The following IQCH variants were observed in gnomAD, a reference collection of about 807,000 sequenced individuals.
IQCH encodes the protein IQ domain-containing protein H.
A neutral mutation model predicts 117.0 loss-of-function variants in IQCH; 98 were observed. The ratio of observed to expected loss-of-function variants is 0.84; its 90% confidence interval spans 0.71 to 0.99. IQCH has a LOEUF of 0.99. Among genes scored for constraint, IQCH ranks in the 50% least tolerant of loss-of-function variants. The pLI, the probability that IQCH is intolerant of heterozygous loss-of-function variation, is 0.00. For synonymous variants in IQCH, 412 were observed against 448.2 expected (o/e 0.92, Z 1.02); for missense variants, 1,102 against 1,243.8 (o/e 0.89, Z 1.72).
At chr15:67,304,619 G>T (rs1329872205) in intron 4 of IQCH, among the ~76,000 whole-genome samples, 2 of 152,034 alleles carry the variant, frequency 1.3e-5, no homozygotes, top group African/African-American at 4.8e-5. Context: ...AATTAGCAAT[G>T]ATTAAGAAAA....
chr15:67,256,596 G>A (rs964777692), intron 1 of IQCH, among the ~76,000 whole-genome samples: 4 of 152,162 alleles, frequency 2.6e-5, no homozygotes, highest in Non-Finnish European at 4.4e-5. Flanking sequence ...AGCGAAGACT[G>A]GACCCCTCTT....
Position 67,436,175 on chromosome 15 carries a change from T to C in IQCH, c.2505+14598T>C, listed in dbSNP as rs1222575974. Among the ~76,000 whole-genome samples the C allele has an allele frequency of 6.6e-6, 1 of 152,046 alleles. No individual in the cohort carries two copies. Among genetic ancestry groups the C allele is most frequent in the South Asian group, 2.1e-4 (1 of 4,820 alleles). ...ATGGCTCCATATTCAATAAATGTAT[T>C]ATCGAGACCCACTGAAGGAAGCCGA... On this transcript the variant is annotated intron_variant, in intron 16 of 20. Coordinates refer to ENST00000335894, the MANE Select transcript of IQCH (RefSeq NM_001031715.3). The surrounding 1 kb of genome is among the most constrained non-coding windows in gnomAD (Gnocchi z 5.1).
In IQCH at chr15:67,384,882, T is replaced by C. The variant is rs1971057866; in HGVS notation, c.1373-54T>C. ...GACATTTTGAAATTCTCTTGTGCCATTTTGCTATATCGACTTGCTCTTTCT... is the reference window on the plus strand; with the variant it reads ...GACATTTTGAAATTCTCTTGTGCCACTTTGCTATATCGACTTGCTCTTTCT... On this transcript the variant is annotated intron_variant, in intron 10 of 20. Transcript: ENST00000335894. This position sits in a 1 kb window ranked among gnomAD's most constrained non-coding sequence, Gnocchi z 4.3. 9.0e-7 allele frequency: 1 copy of C among 1,116,414 alleles called. No individual in the cohort carries two copies. Among genetic ancestry groups the C allele is most frequent in the Non-Finnish European group, 1.4e-6 (1 of 730,302 alleles). 69.2% of individuals were successfully genotyped at this position (1,116,414 alleles called of 1,614,324 possible).
Position 67,255,114 on chromosome 15 carries a change from C to T in IQCH, c.51+167C>T, listed in dbSNP as rs1439751155. 1.3e-5 allele frequency: 9 copies of T among 670,042 alleles called. No individual in the cohort carries two copies. In the East Asian group the frequency reaches 2.2e-4, roughly 16 times the overall value. 41.5% of individuals were successfully genotyped at this position (670,042 alleles called of 1,614,324 possible). On this transcript the variant is annotated intron_variant, in intron 1 of 20. Transcript: ENST00000335894. Reference sequence around the variant, plus strand: ...GCCCACCCAGACCTTCCCCCACGGCCCAGCACACTCCCGGTGACTTACCCT... The same window carrying T: ...GCCCACCCAGACCTTCCCCCACGGCTCAGCACACTCCCGGTGACTTACCCT...
intron 14 of IQCH, among the ~76,000 whole-genome samples, chr15:67,412,689 G>A (rs994168260): frequency 3.3e-5 from 5 of 152,054 alleles, no homozygotes; most frequent in African/African-American, 7.2e-5. Flanking sequence ...ATGAGCCACC[G>A]CGCCCGGCCT....
intron 5 of IQCH, among the ~76,000 whole-genome samples, chr15:67,340,454 A>AC (rs1402784381): frequency 1.4e-5 from 2 of 146,832 alleles, no homozygotes; most frequent in Non-Finnish European, 3.0e-5. Context: ...AAAAAAAAAA[A>AC]AAAAAAAAAA....
chr15:67,273,826 T>A (rs1966007244), intron 3 of IQCH, among the ~76,000 whole-genome samples: 1 of 152,188 alleles, frequency 6.6e-6, no homozygotes, highest in Non-Finnish European at 1.5e-5. Flanking sequence ...ACTGAATAAC[T>A]CCCATTAGCA....
Position 67,493,142 on chromosome 15 carries a change from C to T in IQCH, c.2862-1116C>T, listed in dbSNP as rs2083705888. 6.6e-6 allele frequency among the ~76,000 whole-genome samples: 1 copy of T among 152,184 alleles called. No homozygotes were observed. ...ATGGACCTCTCGAAAGCCTTTAGTC[C>T]TTTTCTACTGTTTTCTGCCCATCTT... On this transcript the variant is annotated intron_variant, in intron 19 of 20. Coordinates refer to ENST00000335894, the MANE Select transcript of IQCH (RefSeq NM_001031715.3). The surrounding 1 kb of genome is among the most constrained non-coding windows in gnomAD (Gnocchi z 5.1).
intron 3 of IQCH, among the ~76,000 whole-genome samples, chr15:67,269,723 G>A (rs1229103234): frequency 7.3e-6 from 1 of 136,564 alleles, no homozygotes; most frequent in African/African-American, 2.8e-5. Context: ...GCTCCCACAT[G>A]TGAGAACGTG....
chr15:67,417,017 G>A lies in IQCH; in HGVS notation c.2184G>A (p.Thr728=), dbSNP rs759039728. ...CAGTCAATGAGAAACGGTTCCCGAC[G>A]TGGAGGAAATTCCTCCAAACATTTC... ...AQPVNEKRFP[T]WRKFLQTFLS... The change falls in exon 15 of 21, where the codon ACG becomes ACA. Residue 728 remains threonine, a synonymous_variant. Coordinates refer to ENST00000335894, the MANE Select transcript of IQCH (RefSeq NM_001031715.3). The surrounding 1 kb of genome is among the most constrained non-coding windows in gnomAD (Gnocchi z 4.3). 1.4e-5 allele frequency: 23 copies of A among 1,609,770 alleles called. No homozygotes were observed. Among genetic ancestry groups the A allele is most frequent in the African/African-American group, 8.0e-5 (6 of 74,688 alleles).
chr15:67,442,660 C>T (rs1276276986), intron 16 of IQCH, among the ~76,000 whole-genome samples: 1 of 152,082 alleles, frequency 6.6e-6, no homozygotes, highest in Non-Finnish European at 1.5e-5. Context: ...ACCATTTGAT[C>T]CAGCAGTCCC....
chr15:67,481,904 A>G lies in IQCH; in HGVS notation c.2799+6086A>G, dbSNP rs1200141126. Among the ~76,000 whole-genome samples, 1 of 152,170 alleles carries G rather than the reference A, an allele frequency of 6.6e-6. No individual in the cohort carries two copies. The highest frequency in any genetic ancestry group is 1.5e-5 in the Non-Finnish European group (1 of 68,016). ...TAAAACAACCCTTGGGCCCTCAACT[A>G]TCTACAGGCAGGAAGTGGGTGAGAA... On this transcript the variant is annotated intron_variant, in intron 18 of 20. Transcript: ENST00000335894. This position sits in a 1 kb window ranked among gnomAD's most constrained non-coding sequence, Gnocchi z 4.1.
intron 4 of IQCH, among the ~76,000 whole-genome samples, chr15:67,308,888 A>T (rs949605498): frequency 6.6e-6 from 1 of 151,370 alleles, no homozygotes; most frequent in African/African-American, 2.4e-5. Context: ...TAACATTCAT[A>T]AAAAAAAATC....
At chr15:67,353,504 T>TA (rs1969759188) in intron 6 of IQCH, among the ~76,000 whole-genome samples, 1 of 151,784 alleles carries the variant, frequency 6.6e-6, no homozygotes, top group Non-Finnish European at 1.5e-5. Context: ...GGACTACAGG[T>TA]GCGCGCCACC....
chr15:67,372,720 AGCG>A, intron 9 of IQCH, 58 bp downstream of exon 9: 1 of 1,440,358 alleles, frequency 6.9e-7, no homozygotes, highest in Non-Finnish European at 9.4e-7. Flanking sequence ...TTCGTGCTTG[AGCG>A]GTTGTAATAA....
chr15:67,439,405 G>A (rs75494578), intron 16 of IQCH, among the ~76,000 whole-genome samples: 2,209 of 152,138 alleles, frequency 0.015, 56 homozygotes, highest in African/African-American at 0.051. Context: ...TACAGCAAAG[G>A]CAGTGCTAAG....
In IQCH at chr15:67,387,277, G is replaced by C. The variant is rs1167757229; in HGVS notation, c.1457-1554G>C. Among the ~76,000 whole-genome samples, 1 of 152,038 alleles carries C rather than the reference G, an allele frequency of 6.6e-6. No homozygotes were observed. The highest frequency in any genetic ancestry group is 1.5e-5 in the Non-Finnish European group (1 of 67,998). ...GGAGCACCTGCTCTGGGCCTAGCTA[G>C]GTCACTTCAGAAAACACCCCCTCTA... On this transcript the variant is annotated intron_variant, in intron 11 of 20. Transcript: ENST00000335894. This position sits in a 1 kb window ranked among gnomAD's most constrained non-coding sequence, Gnocchi z 4.8.
intron 4 of IQCH, among the ~76,000 whole-genome samples, chr15:67,326,546 T>G (rs561101083): frequency 6.6e-6 from 1 of 152,186 alleles, no homozygotes; most frequent in Non-Finnish European, 1.5e-5. Flanking sequence ...CGCCACACTG[T>G]CTTCCACAAT....
intron 4 of IQCH, among the ~76,000 whole-genome samples, chr15:67,296,170 A>G (rs1966851122): frequency 1.3e-5 from 2 of 152,206 alleles, no homozygotes; most frequent in African/African-American, 4.8e-5. Flanking sequence ...CTCTCAAGAA[A>G]TGTTTGAATG....
Sources: gnomAD v4.1 joint callset for allele counts (sites outside exome capture counted in the v4.1 genomes callset) on GRCh38, gnomAD v4.1.1 for gene constraint, Gnocchi (gnomAD v3.1) non-coding constraint, MANE v1.5 for transcripts, NCBI Gene and HGNC (gene_info 2026-07-23, HGNC 2026-07-21) for gene names.